The following KAZN variants were observed in gnomAD, a reference collection of about 807,000 sequenced individuals.
KAZN encodes the protein kazrin, periplakin interacting protein, also known as kazrin.
A neutral mutation model predicts 87.4 loss-of-function variants in KAZN; 40 were observed. The observed-to-expected ratio is 0.46, with a 90% CI of 0.36 to 0.60. The LOEUF is 0.60. Among genes scored for constraint, KAZN ranks in the 20% least tolerant of loss-of-function variants. KAZN has a pLI of 0.00. For synonymous variants in KAZN, 466 were observed against 458.3 expected (o/e 1.02, Z -0.22); for missense variants, 898 against 1,073.9 (o/e 0.84, Z 2.29).
intron 2 of KAZN, among the ~76,000 whole-genome samples, chr1:14,222,536 G>C (rs2100505698): frequency 6.6e-6 from 1 of 152,248 alleles, no homozygotes; most frequent in Non-Finnish European, 1.5e-5. Context: ...CCTAGCTTTG[G>C]GGCCATTAGA....
At chr1:14,173,900 A>G (rs969553340) in intron 1 of KAZN, among the ~76,000 whole-genome samples, 41 of 152,186 alleles carry the variant, frequency 2.7e-4, no homozygotes, top group African/African-American at 9.2e-4. Flanking sequence ...CCTACAAAAT[A>G]AGAGAGCTGC....
chr1:14,660,891 C>T (rs1202982631), intron 1 of KAZN, among the ~76,000 whole-genome samples: 1 of 152,112 alleles, frequency 6.6e-6, no homozygotes, highest in African/African-American at 2.4e-5. Flanking sequence ...AAGCAATGCC[C>T]ACTCTGCACC....
chr1:14,955,815 G>A (rs1046126435), intron 1 of KAZN, among the ~76,000 whole-genome samples: 2 of 152,182 alleles, frequency 1.3e-5, no homozygotes, highest in African/African-American at 4.8e-5. Flanking sequence ...CCCTTCCTGT[G>A]CCTGCCCCGC....
intron 2 of KAZN, among the ~76,000 whole-genome samples, chr1:14,305,448 G>T (rs1009989464): frequency 1.3e-5 from 2 of 151,976 alleles, no homozygotes; most frequent in Non-Finnish European, 2.9e-5. Context: ...CCCCAGAAAA[G>T]GTTGGAAAAA....
rs540880203 is a variant in KAZN at position 14,563,874 on chromosome 1, C to CTTT, written c.250-35097_250-35095dup. On this transcript the variant is annotated intron_variant, in intron 2 of 16. Transcript: ENST00000636203. The stretch of plus-strand genomic sequence containing the variant: ...TGCACTCAGAGTATGGTTCAAACTC[C>CTTT]TTTTTTTTTTTTTTGTCTGAGACAG... 1.6e-3 allele frequency among the ~76,000 whole-genome samples: 154 copies of CTTT among 97,934 alleles called. 25 individuals carry two copies. In the East Asian group the frequency reaches 0.029, roughly 18 times the overall value. The allele number at this position is 97,934 out of a possible 152,430, so 64.2% of individuals were successfully genotyped here.
At chr1:14,417,005 T>C (rs1024412222) in intron 2 of KAZN, among the ~76,000 whole-genome samples, 1 of 73,182 alleles carries the variant, frequency 1.4e-5, no homozygotes, top group Middle Eastern at 7.1e-3. Context: ...TGTATGTATA[T>C]ATATGTACAC....
At chr1:14,708,037 A>G (rs1299116149) in intron 1 of KAZN, among the ~76,000 whole-genome samples, 1 of 152,164 alleles carries the variant, frequency 6.6e-6, no homozygotes, top group Non-Finnish European at 1.5e-5. Context: ...TGTGAGTTTG[A>G]GCAGTTTCTA....
intron 1 of KAZN, among the ~76,000 whole-genome samples, chr1:14,727,354 G>A (rs1209921899): frequency 6.6e-6 from 1 of 150,852 alleles, no homozygotes; most frequent in Non-Finnish European, 1.5e-5. Flanking sequence ...TTGGCACCAG[G>A]GATGGGTTTC....
chr1:14,107,571 G>A (rs540127175), intron 1 of KAZN, among the ~76,000 whole-genome samples: 2 of 152,138 alleles, frequency 1.3e-5, no homozygotes, highest in African/African-American at 2.4e-5. Context: ...GTGGCTCCAC[G>A]TTCCAGTGTT....
chr1:14,918,536 C>A (rs532649604), intron 1 of KAZN, among the ~76,000 whole-genome samples: 1 of 151,594 alleles, frequency 6.6e-6, no homozygotes, highest in African/African-American at 2.4e-5. Context: ...ATTAGCCGGA[C>A]GTGGTAGCAC....
At chr1:14,632,924 A>G (rs67577467) in intron 1 of KAZN, among the ~76,000 whole-genome samples, 2 of 114,018 alleles carry the variant, frequency 1.8e-5, no homozygotes, top group Non-Finnish European at 4.1e-5. Context: ...CACTTTATTT[A>G]TTTTTTTTTT....
intron 2 of KAZN, among the ~76,000 whole-genome samples, chr1:15,007,056 CAAAAA>C (rs35245453): frequency 1.5e-5 from 1 of 67,912 alleles, no homozygotes. Flanking sequence ...GACTCCGTCT[CAAAAA>C]AAAAAAAAAA....
intron 1 of KAZN, among the ~76,000 whole-genome samples, chr1:13,932,508 C>T (rs1362697292): frequency 1.3e-5 from 2 of 152,200 alleles, no homozygotes; most frequent in African/African-American, 4.8e-5. Flanking sequence ...GATCCGCCCG[C>T]CTCGGCCTCC....
intron 1 of KAZN, among the ~76,000 whole-genome samples, chr1:14,850,605 G>T (rs147441299): frequency 6.6e-6 from 1 of 152,148 alleles, no homozygotes; most frequent in African/African-American, 2.4e-5. Flanking sequence ...GCCATCACAC[G>T]TGTGTTTGCT....
At chr1:13,994,519 T>C (rs993137083) in intron 1 of KAZN, among the ~76,000 whole-genome samples, 10 of 152,214 alleles carry the variant, frequency 6.6e-5, no homozygotes, top group Non-Finnish European at 8.8e-5. Flanking sequence ...CAAATATTTA[T>C]TGAGCCCCAA....
At chr1:14,587,687 C>T (rs890772570) in intron 2 of KAZN, among the ~76,000 whole-genome samples, 1 of 152,058 alleles carries the variant, frequency 6.6e-6, no homozygotes, top group African/African-American at 2.4e-5. Context: ...TGAGTGAGAA[C>T]TCACTCATCA....
chr1:14,780,023 T>C (rs1385865216), intron 1 of KAZN, among the ~76,000 whole-genome samples: 1 of 152,226 alleles, frequency 6.6e-6, no homozygotes, highest in African/African-American at 2.4e-5. Flanking sequence ...CTTTGTCTCA[T>C]TAATTCCTCC....
At chr1:14,148,256 T>G (rs992415715) in intron 1 of KAZN, among the ~76,000 whole-genome samples, 27 of 152,090 alleles carry the variant, frequency 1.8e-4, no homozygotes, top group Non-Finnish European at 4.4e-5. Flanking sequence ...ATAGAAACTT[T>G]AATTATTCTT....
chr1:14,824,979 G>A (rs927024537), intron 1 of KAZN, among the ~76,000 whole-genome samples: 8 of 152,224 alleles, frequency 5.3e-5, no homozygotes, highest in African/African-American at 1.2e-4. Flanking sequence ...CTGTTTGCAC[G>A]GCCCCCTCTC....
Sources: allele counts gnomAD v4.1 joint callset (sites outside exome capture counted in the v4.1 genomes callset), GRCh38; gene constraint gnomAD v4.1.1; transcripts MANE v1.5; gene names NCBI Gene and HGNC (gene_info 2026-07-23, HGNC 2026-07-21).